TMEM163: variants seen among roughly 807,000 people sequenced by gnomAD.
TMEM163 encodes the protein transmembrane protein 163.
Under a neutral mutation model 29.3 loss-of-function variants are expected in TMEM163, and 17 were observed. The observed-to-expected ratio is 0.58, with a 90% CI of 0.40 to 0.87. TMEM163 has a LOEUF of 0.87. Among genes scored for constraint, TMEM163 ranks in the 40% least tolerant of loss-of-function variants. TMEM163 has a pLI of 0.00. For synonymous variants in TMEM163, 157 were observed against 160.6 expected, an observed-to-expected ratio of 0.98 and a Z score of 0.17; for missense variants, 303 against 381.5, an observed-to-expected ratio of 0.79 and a Z score of 1.71.
intron 4 of TMEM163, among the ~76,000 whole-genome samples, chr2:134,525,559 T>C (rs1680276180): frequency 6.6e-6 from 1 of 152,160 alleles, no homozygotes. Flanking sequence ...ATTATAAGTG[T>C]TGTGTGAAGA....
intron 4 of TMEM163, among the ~76,000 whole-genome samples, chr2:134,523,218 T>G (rs1350298492): frequency 6.6e-6 from 1 of 152,214 alleles, no homozygotes; most frequent in African/African-American, 2.4e-5. Flanking sequence ...CTTCACTGAT[T>G]TAATAGCCTG....
At chr2:134,545,660 A>G (rs567363872) in intron 4 of TMEM163, among the ~76,000 whole-genome samples, 11 of 151,958 alleles carry the variant, frequency 7.2e-5, no homozygotes, top group Non-Finnish European at 1.5e-4. Flanking sequence ...GGTAACTTAA[A>G]TCTCAAATGG....
rs58759292 is a variant in TMEM163 at position 134,698,219 on chromosome 2, A to G, written c.322+14981T>C. On this transcript the variant is annotated intron_variant, in intron 2 of 7. Coordinates refer to ENST00000281924, the MANE Select transcript of TMEM163 (RefSeq NM_030923.5). ...CAGAAGTGTCTCTTGACATTGCTGG[A>G]TGTCTCCAGGGAAGGGAGGGGGTGC... is the stretch of plus-strand genomic sequence containing the variant. 0.018 allele frequency among the ~76,000 whole-genome samples: 2,762 copies of G among 152,288 alleles called. 174 individuals are homozygous for G. The East Asian group carries it at 0.22, about 12-fold the overall frequency.
At chr2:134,541,129 C>G (rs1438695566) in intron 4 of TMEM163, among the ~76,000 whole-genome samples, 1 of 152,216 alleles carries the variant, frequency 6.6e-6, no homozygotes, top group African/African-American at 2.4e-5. Context: ...GTTGTGCTTC[C>G]TTAGTTGCCT....
At chr2:134,656,666 T>A (rs1469731593) in intron 2 of TMEM163, among the ~76,000 whole-genome samples, 1 of 152,200 alleles carries the variant, frequency 6.6e-6, no homozygotes. Context: ...ATCCTTGTCT[T>A]GTTCCAGTTC....
chr2:134,514,381 A>C (rs938903971), intron 4 of TMEM163, among the ~76,000 whole-genome samples: 2 of 103,424 alleles, frequency 1.9e-5, no homozygotes, highest in Admixed American at 1.1e-4. Flanking sequence ...GATACTGATG[A>C]TCTTTTTTTT....
intron 5 of TMEM163, among the ~76,000 whole-genome samples, chr2:134,474,030 T>C (rs2106477241): frequency 6.6e-6 from 1 of 152,256 alleles, no homozygotes; most frequent in Non-Finnish European, 1.5e-5. Context: ...AGGCCAGCAT[T>C]ACCATGACAC....
At chr2:134,657,049 A>G (rs563302389) in intron 2 of TMEM163, among the ~76,000 whole-genome samples, 11 of 151,688 alleles carry the variant, frequency 7.3e-5, no homozygotes, top group Non-Finnish European at 1.6e-4. Flanking sequence ...ATTGGCCTGT[A>G]AGAACTTTTT....
intron 2 of TMEM163, among the ~76,000 whole-genome samples, chr2:134,692,429 C>T (rs1417395941): frequency 6.6e-6 from 1 of 152,210 alleles, no homozygotes; most frequent in African/African-American, 2.4e-5. Flanking sequence ...AAGTCATTCT[C>T]CAAATTCTGT....
At chr2:134,652,805 A>T in intron 2 of TMEM163, among the ~76,000 whole-genome samples, 1 of 123,056 alleles carries the variant, frequency 8.1e-6, no homozygotes, top group Non-Finnish European at 1.6e-5. Context: ...TGAGATAATC[A>T]TGTGGTTTTT....
chr2:134,510,506 G>T (rs1413485068), intron 4 of TMEM163, among the ~76,000 whole-genome samples: 1 of 152,134 alleles, frequency 6.6e-6, no homozygotes, highest in Non-Finnish European at 1.5e-5. Flanking sequence ...AATGTCAATG[G>T]CCACGAAAGC....
intron 2 of TMEM163, among the ~76,000 whole-genome samples, chr2:134,633,938 A>G (rs913541456): frequency 7.1e-6 from 1 of 141,770 alleles, no homozygotes; most frequent in Non-Finnish European, 1.5e-5. Flanking sequence ...CTGGGCCACA[A>G]TAGTGAAACT....
At chr2:134,672,134 G>T (rs1252363025) in intron 2 of TMEM163, among the ~76,000 whole-genome samples, 1 of 152,186 alleles carries the variant, frequency 6.6e-6, no homozygotes, top group Non-Finnish European at 1.5e-5. Flanking sequence ...TGTATTAGCT[G>T]TTGCTATTTC....
chr2:134,560,936 C>T (rs74595818), intron 2 of TMEM163, among the ~76,000 whole-genome samples: 9,130 of 150,604 alleles, frequency 0.061, 384 homozygotes, highest in South Asian at 0.14. Context: ...ACAGGAGTCA[C>T]CAGCTCAGAG....
chr2:134,685,755 A>G (rs1340600521), intron 2 of TMEM163, among the ~76,000 whole-genome samples: 1 of 152,100 alleles, frequency 6.6e-6, no homozygotes, highest in Non-Finnish European at 1.5e-5. Context: ...AAAACATACA[A>G]TCATCATTAA....
chr2:134,483,271 G>A (rs1228069257), intron 5 of TMEM163, among the ~76,000 whole-genome samples: 3 of 152,088 alleles, frequency 2.0e-5, no homozygotes, highest in Non-Finnish European at 4.4e-5. Flanking sequence ...CACCCTGGCT[G>A]GGCTCACACA....
intron 2 of TMEM163, among the ~76,000 whole-genome samples, chr2:134,600,633 G>A (rs535008583): frequency 2.8e-4 from 43 of 152,252 alleles, no homozygotes; most frequent in African/African-American, 8.2e-4. Context: ...AAGAGGTGAT[G>A]GGGTCATTAG....
chr2:134,591,623 C>T (rs1464556671), intron 2 of TMEM163, among the ~76,000 whole-genome samples: 4 of 152,098 alleles, frequency 2.6e-5, no homozygotes, highest in African/African-American at 9.7e-5. Context: ...CTGTTCCTCC[C>T]AGTTCCCACT....
chr2:134,672,203 C>A (rs962163384), intron 2 of TMEM163, among the ~76,000 whole-genome samples: 18 of 152,182 alleles, frequency 1.2e-4, no homozygotes, highest in Admixed American at 1.3e-4. Flanking sequence ...TGAAGAAGAA[C>A]AGAGTGGAGA....
Sources: gnomAD v4.1 joint callset for allele counts (sites outside exome capture counted in the v4.1 genomes callset) on GRCh38, gnomAD v4.1.1 for gene constraint, MANE v1.5 for transcripts, NCBI Gene and HGNC (gene_info 2026-07-23, HGNC 2026-07-21) for gene names.